The following CASTOR2 variants were observed in gnomAD, a reference collection of about 807,000 sequenced individuals.
The protein encoded by CASTOR2 is GATS protein like 2.
A neutral mutation model predicts 31.2 loss-of-function variants in CASTOR2; 8 were observed. That is an observed-to-expected ratio of 0.26 (90% CI 0.15 to 0.46). CASTOR2 has a LOEUF of 0.46. Ranked by LOEUF, CASTOR2 falls within the 20% of genes least tolerant of loss-of-function variation. The pLI is 0.99. For missense variants in CASTOR2, 216 were observed against 382.1 expected (o/e 0.57, Z 3.62); for synonymous variants, 162 against 158.7 (o/e 1.02, Z -0.16).
In CASTOR2 at chr7:75,029,362, C is replaced by CTTTT; in HGVS notation, c.*4679_*4682dup. On this transcript the variant is annotated 3_prime_UTR_variant, in exon 9 of 9. Transcript: ENST00000616305. The stretch of plus-strand genomic sequence containing the variant: ...CACCTCAGCCCTGCAATGGGGGGAT[C>CTTTT]TTTTTTTTTTTTTTTTTTTGAGACA... Among the ~76,000 whole-genome samples the CTTTT allele has an allele frequency of 7.9e-6, 1 of 126,194 alleles. No individual in the cohort carries two copies. The highest frequency in any genetic ancestry group is 1.7e-5 in the Non-Finnish European group (1 of 59,644). The allele number at this position is 126,194 out of a possible 152,430, so 82.8% of individuals were successfully genotyped here.
At chr7:75,006,055 G>A (rs1804598979) in intron 1 of CASTOR2, among the ~76,000 whole-genome samples, 1 of 152,168 alleles carries the variant, frequency 6.6e-6, no homozygotes, top group African/African-American at 2.4e-5. Context: ...ACTTGAACCT[G>A]GGAGGCGGAG....
chr7:75,014,858 C>A (rs1404165167), intron 2 of CASTOR2, among the ~76,000 whole-genome samples: 1 of 152,222 alleles, frequency 6.6e-6, no homozygotes, highest in Non-Finnish European at 1.5e-5. Flanking sequence ...GTCAGCACCC[C>A]CTCAAGGTGT....
rs1554437396 is a variant in CASTOR2, at chr7:74,992,049, G to T, written c.114-15945G>T. On this transcript the variant is annotated intron_variant, in intron 1 of 8. Coordinates refer to ENST00000616305, the MANE Select transcript of CASTOR2 (RefSeq NM_001145064.3). ...AAAGGCTGGATTTGAGGTCCCCAAG[G>T]GGTCAATCGAAGAGGGCTTGGTGAA... 1.3e-4 allele frequency among the ~76,000 whole-genome samples: 20 copies of T among 152,178 alleles called. 1 individual carries two copies. Among genetic ancestry groups the T allele is most frequent in the Admixed American group, 1.3e-3 (20 of 15,270 alleles).
At chr7:74,972,470 A>G (rs1276520674) in intron 1 of CASTOR2, among the ~76,000 whole-genome samples, 3 of 151,120 alleles carry the variant, frequency 2.0e-5, no homozygotes, top group Non-Finnish European at 4.4e-5. Flanking sequence ...TTTAAATTCC[A>G]TTCTAGAAAG....
chr7:74,997,353 T>G (rs1804376917), intron 1 of CASTOR2, among the ~76,000 whole-genome samples: 2 of 152,016 alleles, frequency 1.3e-5, no homozygotes, highest in African/African-American at 4.8e-5. Context: ...TAGATACCCC[T>G]CTTGGAAGTT....
At chr7:74,983,427 C>T (rs1333317191) in intron 1 of CASTOR2, among the ~76,000 whole-genome samples, 13 of 148,160 alleles carry the variant, frequency 8.8e-5, no homozygotes, top group African/African-American at 3.3e-4. Context: ...CCCCACCCAG[C>T]CCGTCAGTCC....
At chr7:74,990,985 A>T (rs1412310332) in intron 1 of CASTOR2, among the ~76,000 whole-genome samples, 1 of 151,718 alleles carries the variant, frequency 6.6e-6, no homozygotes, top group Non-Finnish European at 1.5e-5. Context: ...GGGCAGGAGG[A>T]TCACGTAAGC....
chr7:75,020,074 G>A lies in CASTOR2; in HGVS notation c.671G>A (p.Gly224Asp), dbSNP rs1440465404. The A allele has an allele frequency of 1.3e-6, 2 of 1,551,340 alleles. No individual in the cohort carries two copies. Among genetic ancestry groups the A allele is most frequent in the Admixed American group, 3.9e-5 (2 of 50,966 alleles). ...CCCATGGCCACTGGGGATGACTGCG[G>A]CCACATCCGCTTCTTCTCCTTCTCC... ...KDPMATGDDC[G>D]HIRFFSFSLI... Residue 224 changes from glycine (G) to aspartate (D), a missense_variant, in exon 6 of 9, where the codon GGC (glycine) becomes GAC (aspartate). Physicochemically the swap from Gly to Asp is moderately conservative, Grantham distance 94. This residue lies in a region of CASTOR2 where 44 missense variants were observed against 57.5 expected (regional missense o/e 0.76). Transcript: ENST00000616305.
At chr7:74,997,487 G>A (rs1430600545) in intron 1 of CASTOR2, among the ~76,000 whole-genome samples, 1 of 150,428 alleles carries the variant, frequency 6.6e-6, no homozygotes, top group African/African-American at 2.5e-5. Flanking sequence ...GAGCAGTGGC[G>A]TGATCTTAGC....
chr7:74,996,885 C>T (rs1348781294), intron 1 of CASTOR2, among the ~76,000 whole-genome samples: 9 of 148,770 alleles, frequency 6.0e-5, no homozygotes, highest in Admixed American at 2.7e-4. Context: ...CCTGCCACCA[C>T]GCCCGGCTAA....
intron 1 of CASTOR2, among the ~76,000 whole-genome samples, chr7:75,005,975 C>T (rs1193658550): frequency 6.6e-5 from 10 of 152,260 alleles, no homozygotes; most frequent in African/African-American, 2.2e-4. Flanking sequence ...ACTAAAAATA[C>T]AAAAATTAGC....
In CASTOR2 at chr7:75,031,483, T is replaced by C. The variant is rs920569595; in HGVS notation, c.*6784T>C. Among the ~76,000 whole-genome samples, 11 of 151,764 alleles carry C rather than the reference T, an allele frequency of 7.2e-5. No homozygotes were observed. The highest frequency in any genetic ancestry group is 1.3e-4 in the Admixed American group (2 of 15,188). ...CCTAATGTTCCCCCAAAAAAGACAG[T>C]ATATTTTGTACTTTGTAAAGTGTTA... On this transcript the variant is annotated 3_prime_UTR_variant, in exon 9 of 9. Coordinates refer to ENST00000616305, the MANE Select transcript of CASTOR2 (RefSeq NM_001145064.3).
At chr7:74,983,240 G>C (rs1803987455) in intron 1 of CASTOR2, among the ~76,000 whole-genome samples, 1 of 144,026 alleles carries the variant, frequency 6.9e-6, no homozygotes, top group South Asian at 2.3e-4. Context: ...TCAAACTCCT[G>C]ACCTTGGGTG....
At chr7:74,991,097 AAAAG>A (rs1400539287) in intron 1 of CASTOR2, among the ~76,000 whole-genome samples, 20 of 150,322 alleles carry the variant, frequency 1.3e-4, no homozygotes, top group Non-Finnish European at 7.4e-5. Flanking sequence ...AAGGAAAAGA[AAAAG>A]AAAATGCCCT....
chr7:75,017,022 C>T (rs1368648032), intron 2 of CASTOR2, among the ~76,000 whole-genome samples: 1 of 152,106 alleles, frequency 6.6e-6, no homozygotes, highest in Non-Finnish European at 1.5e-5. Context: ...CAAAAATTAG[C>T]TGGGTGTGAT....
chr7:74,986,360 G>A (rs1804065564), intron 1 of CASTOR2, among the ~76,000 whole-genome samples: 3 of 151,678 alleles, frequency 2.0e-5, no homozygotes, highest in African/African-American at 2.4e-5. Flanking sequence ...GTGTGGTGAC[G>A]GGTGCCTGTA....
Sources: gnomAD v4.1 joint callset for allele counts (sites outside exome capture counted in the v4.1 genomes callset) on GRCh38, gnomAD v4.1.1 for gene constraint, gnomAD v4.1.1 regional missense constraint, MANE v1.5 for transcripts, NCBI Gene and HGNC (gene_info 2026-07-23, HGNC 2026-07-21) for gene names.